AXDND1: variants seen among roughly 807,000 people sequenced by gnomAD.
AXDND1 encodes the protein axonemal dynein light chain domain-containing protein 1.
A neutral mutation model predicts 137.5 loss-of-function variants in AXDND1; 110 were observed. The ratio of observed to expected loss-of-function variants is 0.80; its 90% CI spans 0.69 to 0.94. AXDND1 has a LOEUF of 0.94. Among genes scored for constraint, AXDND1 ranks in the 40% least tolerant of loss-of-function variants. The pLI is 0.00. For missense variants in AXDND1, 1,191 were observed against 1,169.8 expected, an observed-to-expected ratio of 1.02 and a Z score of -0.26; for synonymous variants, 414 against 399.7, an observed-to-expected ratio of 1.04 and a Z score of -0.43.
chr1:179,371,707 G>A (rs1411201389), intron 4 of AXDND1, among the ~76,000 whole-genome samples: 4 of 152,178 alleles, frequency 2.6e-5, no homozygotes, highest in African/African-American at 7.2e-5. Context: ...AGGCAGTCAA[G>A]TGGGTCAGAG....
chr1:179,539,188 C>T (rs1671863742), intron 25 of AXDND1, among the ~76,000 whole-genome samples: 1 of 152,166 alleles, frequency 6.6e-6, no homozygotes, highest in Admixed American at 6.5e-5. Flanking sequence ...AGCCCATTTA[C>T]ATTTAAGGTG....
intron 16 of AXDND1, among the ~76,000 whole-genome samples, chr1:179,465,683 C>A (rs1663044021): frequency 1.3e-5 from 2 of 152,244 alleles, no homozygotes; most frequent in African/African-American, 4.8e-5. Context: ...GCAGAAGTTT[C>A]TGCTGCCTTT....
At chr1:179,392,785 A>G (rs1037143933) in intron 9 of AXDND1, among the ~76,000 whole-genome samples, 1 of 151,922 alleles carries the variant, frequency 6.6e-6, no homozygotes, top group Non-Finnish European at 1.5e-5. Flanking sequence ...AGGATTGTCT[A>G]TTCATGTCCT....
intron 11 of AXDND1, among the ~76,000 whole-genome samples, chr1:179,401,258 C>CAAAAAAAAAAAA (rs201354000): frequency 4.8e-5 from 4 of 83,680 alleles, no homozygotes; most frequent in East Asian, 6.6e-4. Flanking sequence ...AACTCCATCT[C>CAAAAAAAAAAAA]AAAAAAAAAA....
intron 15 of AXDND1, among the ~76,000 whole-genome samples, chr1:179,436,074 AC>A (rs749746326): frequency 4.7e-4 from 72 of 152,332 alleles, no homozygotes; most frequent in Non-Finnish European, 9.0e-4. Flanking sequence ...TATGTGGCCA[AC>A]AAACATGAAG....
chr1:179,542,906 C>T (rs1672301072), intron 25 of AXDND1, among the ~76,000 whole-genome samples: 1 of 152,186 alleles, frequency 6.6e-6, no homozygotes, highest in African/African-American at 2.4e-5. Flanking sequence ...AGATGAGACG[C>T]CTTGCAAAGC....
rs140938186 is a variant in AXDND1 at position 179,494,198 on chromosome 1, C to T, written c.2388+1247C>T. On this transcript the variant is annotated intron_variant, in intron 20 of 25. Transcript: ENST00000367618. ...AACTCCTGACCTCAAGTGATCCGCC[C>T]TCCTCAGCCTCCCAAAGTGCTGGGA... is the stretch of plus-strand genomic sequence containing the variant. Among the ~76,000 whole-genome samples the T allele has an allele frequency of 9.2e-4, 140 of 152,220 alleles. No homozygotes were observed. The East Asian group carries it at 0.025, about 27-fold the overall frequency.
chr1:179,432,377 G>T (rs764824969), intron 15 of AXDND1, 35 bp downstream of exon 15: 3 of 1,517,814 alleles, frequency 2.0e-6, no homozygotes, highest in Non-Finnish European at 2.7e-6. Flanking sequence ...GGCAATCAAA[G>T]TGCTGATTGT....
chr1:179,413,719 CTT>C (rs1044764598), intron 12 of AXDND1, among the ~76,000 whole-genome samples: 5 of 152,116 alleles, frequency 3.3e-5, no homozygotes, highest in African/African-American at 1.2e-4. Flanking sequence ...GTGCAGGTGT[CTT>C]TTTGATTAAA....
intron 25 of AXDND1, chr1:179,551,281 A>G: frequency 6.2e-7 from 1 of 1,614,074 alleles, no homozygotes. Context: ...AAGACAGGCA[A>G]TTCAGTAGGT....
chr1:179,536,404 A>G (rs1170397284), intron 25 of AXDND1, among the ~76,000 whole-genome samples: 1 of 152,128 alleles, frequency 6.6e-6, no homozygotes, highest in Non-Finnish European at 1.5e-5. Context: ...TGTAAGGAAG[A>G]GATCCAGTTT....
At chr1:179,479,225 C>T (rs928608113) in intron 17 of AXDND1, among the ~76,000 whole-genome samples, 1 of 152,126 alleles carries the variant, frequency 6.6e-6, no homozygotes, top group Non-Finnish European at 1.5e-5. Context: ...GCCTGTAATC[C>T]CAGCACTTTG....
chr1:179,510,940 C>A (rs527303923), intron 21 of AXDND1, among the ~76,000 whole-genome samples: 1 of 140,860 alleles, frequency 7.1e-6, no homozygotes. Context: ...TTGTATCATT[C>A]TTATGCCTTT....
At chr1:179,494,196 CCCT>C (rs1489561269) in intron 20 of AXDND1, among the ~76,000 whole-genome samples, 8 of 152,316 alleles carry the variant, frequency 5.3e-5, no homozygotes, top group Admixed American at 4.6e-4. Context: ...AAGTGATCCG[CCCT>C]CCTCAGCCTC....
At position 179,366,405 on chromosome 1, in the gene AXDND1, A is replaced by G. The variant is rs1199267624; in HGVS notation, c.-105A>G. 46 of 768,710 alleles carry G rather than the reference A, an allele frequency of 6.0e-5. No individual in the cohort carries two copies. In the East Asian group the frequency reaches 1.2e-3, roughly 20 times the overall value. 47.6% of individuals were successfully genotyped at this position (768,710 alleles called of 1,614,324 possible). A position where few individuals can be genotyped will look rare whatever the true frequency, so the allele number is the denominator to read the frequency against. On this transcript the variant is annotated splice_region_variant and 5_prime_UTR_variant, in exon 2 of 26. Coordinates refer to ENST00000367618, the MANE Select transcript of AXDND1 (RefSeq NM_144696.6). ...AAATCTTTTTTCCTCTGCCTGCAGG[A>G]CTATGTGGCAGCCTGCAAGTCCCAG...
At chr1:179,418,640 C>A (rs868065844) in intron 12 of AXDND1, among the ~76,000 whole-genome samples, 18 of 149,118 alleles carry the variant, frequency 1.2e-4, no homozygotes, top group African/African-American at 4.4e-4. Flanking sequence ...ACCTCCCTCC[C>A]GGACGGGGCG....
intron 23 of AXDND1, among the ~76,000 whole-genome samples, chr1:179,528,641 CTTTTTTTTTT>C (rs34531104): frequency 4.9e-4 from 57 of 115,356 alleles, no homozygotes; most frequent in Non-Finnish European, 6.1e-4. Flanking sequence ...CTTTAAACCT[CTTTTTTTTTT>C]TTTTTTTTTT....
At chr1:179,440,449 C>T (rs776843101) in intron 15 of AXDND1, among the ~76,000 whole-genome samples, 10 of 152,206 alleles carry the variant, frequency 6.6e-5, no homozygotes, top group African/African-American at 1.9e-4. Context: ...GTGTAACATC[C>T]ATTTGCCAAA....
chr1:179,418,960 G>A (rs1490783161), intron 12 of AXDND1, among the ~76,000 whole-genome samples: 7 of 149,216 alleles, frequency 4.7e-5, no homozygotes, highest in Admixed American at 2.0e-4. Context: ...GGGCAGAGGC[G>A]CTCCTCACAT....
Sources: gnomAD v4.1 joint callset for allele counts (sites outside exome capture counted in the v4.1 genomes callset) on GRCh38, gnomAD v4.1.1 for gene constraint, MANE v1.5 for transcripts, NCBI Gene and HGNC (gene_info 2026-07-23, HGNC 2026-07-21) for gene names.